Variants in ANO4 observed in about 807,000 individuals in gnomAD.
The protein encoded by ANO4 is anoctamin 4, also known as anoctamin-4.
A neutral mutation model predicts 141.9 loss-of-function variants in ANO4; 69 were observed. The ratio of observed to expected loss-of-function variants is 0.49; its 90% CI spans 0.40 to 0.59. The LOEUF is 0.59. ANO4 is among the 20% of genes least tolerant of loss of function. The pLI is 0.00. For missense variants in ANO4, 894 were observed against 1,162.2 expected (o/e 0.77, Z 3.36); for synonymous variants, 350 against 394.3 (o/e 0.89, Z 1.33).
chr12:100,907,700 T>C (rs1175171590), intron 2 of ANO4, among the ~76,000 whole-genome samples: 2 of 152,244 alleles, frequency 1.3e-5, no homozygotes, highest in Non-Finnish European at 2.9e-5. Flanking sequence ...TGACAATCCT[T>C]CAGTTGTTTA....
chr12:100,725,870 A>G (rs2031093248), intron 1 of ANO4, among the ~76,000 whole-genome samples: 1 of 152,180 alleles, frequency 6.6e-6, no homozygotes, highest in African/African-American at 2.4e-5. Context: ...TGGTTCTCCC[A>G]CTTTCTAGTT....
intron 26 of ANO4, among the ~76,000 whole-genome samples, chr12:101,123,359 G>A (rs777417740): frequency 1.3e-5 from 2 of 152,044 alleles, no homozygotes; most frequent in Admixed American, 1.3e-4. Context: ...GGACATACAG[G>A]TTTGTTACAC....
chr12:100,771,469 G>C (rs1026955032), intron 3 of ANO4, among the ~76,000 whole-genome samples: 2 of 152,192 alleles, frequency 1.3e-5, no homozygotes, highest in African/African-American at 4.8e-5. Flanking sequence ...CTAAGCTAGA[G>C]AAAGCACCAC....
intron 2 of ANO4, among the ~76,000 whole-genome samples, chr12:100,735,132 T>G (rs1367828935): frequency 1.3e-5 from 2 of 152,208 alleles, no homozygotes; most frequent in African/African-American, 2.4e-5. Flanking sequence ...CTCACTGATG[T>G]GAGGTTATTG....
At chr12:100,922,567 TC>T (rs2041678642) in intron 3 of ANO4, among the ~76,000 whole-genome samples, 1 of 152,172 alleles carries the variant, frequency 6.6e-6, no homozygotes, top group Non-Finnish European at 1.5e-5. Context: ...AACGGAATGA[TC>T]AATTCTGTAT....
At chr12:100,874,910 T>C (rs1379025201) in intron 1 of ANO4, among the ~76,000 whole-genome samples, 2 of 152,112 alleles carry the variant, frequency 1.3e-5, no homozygotes, top group East Asian at 3.9e-4. Context: ...ATTGGGTGTA[T>C]TTCCCCAATG....
intron 7 of ANO4, 95 bp downstream of exon 7, chr12:100,974,984 T>A: frequency 1.4e-6 from 2 of 1,417,102 alleles, no homozygotes; most frequent in Non-Finnish European, 2.0e-6. Context: ...AAGATGAGCC[T>A]GTGTCACATG....
At chr12:100,738,421 A>G (rs1877882) in intron 2 of ANO4, among the ~76,000 whole-genome samples, 108,805 of 152,070 alleles carry the variant, frequency 0.72, 39,383 homozygotes, top group African/African-American at 0.82. Flanking sequence ...TCAATAATGC[A>G]GATTAAAATA....
chr12:100,784,914 G>A (rs1402756587), intron 3 of ANO4, among the ~76,000 whole-genome samples: 1 of 138,082 alleles, frequency 7.2e-6, no homozygotes, highest in Non-Finnish European at 1.6e-5. Flanking sequence ...TGGGGTGTAG[G>A]GAATCCTCTC....
chr12:100,969,990 C>T (rs1028047681), intron 5 of ANO4, among the ~76,000 whole-genome samples: 9 of 152,274 alleles, frequency 5.9e-5, no homozygotes, highest in South Asian at 4.1e-4. Context: ...GAGGCATAGA[C>T]CAAAATCTGT....
chr12:100,764,813 C>G (rs915232181), intron 3 of ANO4, among the ~76,000 whole-genome samples: 1 of 152,174 alleles, frequency 6.6e-6, no homozygotes, highest in Admixed American at 6.5e-5. Flanking sequence ...TCCTTAGAGG[C>G]TGACTTGATC....
chr12:100,894,965 CAA>C (rs764468746), intron 1 of ANO4, among the ~76,000 whole-genome samples: 8 of 102,600 alleles, frequency 7.8e-5, no homozygotes, highest in Admixed American at 1.1e-4. Context: ...GACTCCATCT[CAA>C]AAAAAAAAAA....
chr12:100,905,886 A>G (rs140894243), intron 2 of ANO4, among the ~76,000 whole-genome samples: 8 of 152,180 alleles, frequency 5.3e-5, no homozygotes, highest in African/African-American at 1.9e-4. Context: ...GCGTATGTAT[A>G]TAATGGCAGG....
intron 14 of ANO4, among the ~76,000 whole-genome samples, chr12:101,049,672 C>A (rs1215035789): frequency 6.6e-6 from 1 of 152,062 alleles, no homozygotes; most frequent in African/African-American, 2.4e-5. Flanking sequence ...TTTAAGAGGT[C>A]TTTTTTGATA....
At chr12:101,028,407 C>A (rs549365094) in intron 9 of ANO4, among the ~76,000 whole-genome samples, 9 of 152,122 alleles carry the variant, frequency 5.9e-5, no homozygotes, top group Admixed American at 4.6e-4. Flanking sequence ...TGTTCTAACC[C>A]AATGCAAAGA....
At chr12:100,769,618 T>G (rs1358241388) in intron 3 of ANO4, among the ~76,000 whole-genome samples, 1 of 152,238 alleles carries the variant, frequency 6.6e-6, no homozygotes, top group Non-Finnish European at 1.5e-5. Flanking sequence ...GGGCAGGTCA[T>G]CTGGATTATA....
At chr12:100,985,934 A>AG (rs1368274404) in intron 7 of ANO4, among the ~76,000 whole-genome samples, 1 of 152,250 alleles carries the variant, frequency 6.6e-6, no homozygotes, top group Non-Finnish European at 1.5e-5. Flanking sequence ...ATGCCCAGAT[A>AG]GCTGGTAAAA....
At chr12:100,729,417 G>A (rs977157517) in intron 1 of ANO4, among the ~76,000 whole-genome samples, 2 of 136,320 alleles carry the variant, frequency 1.5e-5, no homozygotes, top group African/African-American at 5.3e-5. Context: ...CACGTTCTAT[G>A]TGGTAGGTCC....
intron 5 of ANO4, among the ~76,000 whole-genome samples, chr12:100,966,913 A>G (rs1259184643): frequency 6.6e-6 from 1 of 151,794 alleles, no homozygotes. Flanking sequence ...ACATACATAT[A>G]TATATGCATA....
Sources: allele counts gnomAD v4.1 joint callset (sites outside exome capture counted in the v4.1 genomes callset), GRCh38; gene constraint gnomAD v4.1.1; transcripts MANE v1.5; gene names NCBI Gene and HGNC (gene_info 2026-07-23, HGNC 2026-07-21).